The following SUGCT variants were observed in gnomAD, a reference collection of about 807,000 sequenced individuals.
SUGCT encodes the protein succinyl-CoA:glutarate-CoA transferase.
Under a neutral mutation model 55.0 loss-of-function variants are expected in SUGCT, and 41 were observed. The observed-to-expected ratio is 0.74, with a 90% CI of 0.58 to 0.97. The LOEUF (loss-of-function observed/expected upper bound fraction) is 0.97. SUGCT is among the 50% of genes least tolerant of loss of function. SUGCT has a pLI of 0.00. For missense variants in SUGCT, 568 were observed against 547.8 expected (o/e 1.04, Z -0.37); for synonymous variants, 187 against 200.4 (o/e 0.93, Z 0.56).
intron 6 of SUGCT, among the ~76,000 whole-genome samples, chr7:40,233,885 A>G (rs1310578414): frequency 6.6e-6 from 1 of 152,226 alleles, no homozygotes; most frequent in Non-Finnish European, 1.5e-5. Context: ...ATGAATTGTC[A>G]AAGATTTAAT....
At chr7:40,353,876 A>C (rs1014587178) in intron 9 of SUGCT, among the ~76,000 whole-genome samples, 5 of 152,170 alleles carry the variant, frequency 3.3e-5, no homozygotes, top group African/African-American at 1.2e-4. Context: ...CTCCTGTAGC[A>C]GTTCATCTGG....
At chr7:40,277,877 C>T (rs1285944019) in intron 8 of SUGCT, among the ~76,000 whole-genome samples, 1 of 151,916 alleles carries the variant, frequency 6.6e-6, no homozygotes, top group Non-Finnish European at 1.5e-5. Flanking sequence ...TGTGGTGTTC[C>T]CCTTCCTGTC....
intron 11 of SUGCT, among the ~76,000 whole-genome samples, chr7:40,484,132 A>G (rs1791204193): frequency 1.3e-5 from 2 of 152,196 alleles, no homozygotes; most frequent in African/African-American, 4.8e-5. Context: ...TTAAGATTAA[A>G]TGTCAGACTT....
chr7:40,648,108 A>G (rs1800613112), intron 12 of SUGCT, among the ~76,000 whole-genome samples: 1 of 152,222 alleles, frequency 6.6e-6, no homozygotes, highest in Non-Finnish European at 1.5e-5. Context: ...CTGTAATAAA[A>G]TATTTAAAGT....
chr7:40,538,137 G>A (rs1583926722), intron 12 of SUGCT: 1 of 151,970 alleles, frequency 6.6e-6, no homozygotes, highest in African/African-American at 2.4e-5. Flanking sequence ...TGTGCTTTAG[G>A]TAGTCCAGTT....
intron 12 of SUGCT, among the ~76,000 whole-genome samples, chr7:40,675,639 G>C (rs1284655895): frequency 6.6e-6 from 1 of 152,100 alleles, no homozygotes; most frequent in African/African-American, 2.4e-5. Context: ...TATGGGAGTT[G>C]GGCAAAAAGA....
intron 1 of SUGCT, among the ~76,000 whole-genome samples, chr7:40,164,269 A>T (rs1287646996): frequency 6.6e-6 from 1 of 152,094 alleles, no homozygotes; most frequent in East Asian, 1.9e-4. Context: ...CAGGGACTAC[A>T]GGCACCTTCC....
intron 12 of SUGCT, among the ~76,000 whole-genome samples, chr7:40,558,156 T>C (rs974583708): frequency 6.6e-6 from 1 of 151,560 alleles, no homozygotes; most frequent in Non-Finnish European, 1.5e-5. Context: ...AAATTGGAAC[T>C]CTTGTGCAGT....
At chr7:40,309,904 AAAAC>A (rs1251072411) in intron 8 of SUGCT, among the ~76,000 whole-genome samples, 1 of 152,000 alleles carries the variant, frequency 6.6e-6, no homozygotes, top group Non-Finnish European at 1.5e-5. Context: ...AAAAAAAAAA[AAAAC>A]ACATGACCAT....
At chr7:40,857,413 T>C (rs886727999) in intron 13 of SUGCT, among the ~76,000 whole-genome samples, 4 of 152,224 alleles carry the variant, frequency 2.6e-5, no homozygotes, top group South Asian at 4.1e-4. Context: ...CGTTGCAGTC[T>C]ATGTCTTCAT....
At chr7:40,610,390 A>G (rs998846940) in intron 12 of SUGCT, among the ~76,000 whole-genome samples, 1 of 152,176 alleles carries the variant, frequency 6.6e-6, no homozygotes, top group South Asian at 2.1e-4. Flanking sequence ...TGGCCCAATT[A>G]TATTAACTTT....
intron 7 of SUGCT, among the ~76,000 whole-genome samples, chr7:40,238,263 T>C (rs1361507957): frequency 6.6e-6 from 1 of 152,236 alleles, no homozygotes; most frequent in East Asian, 1.9e-4. Flanking sequence ...TAATTTGTCA[T>C]GTGCCTTAGA....
rs180706546 is a variant in SUGCT, at chr7:40,725,006, G to A, written c.1090-24428G>A. Among the ~76,000 whole-genome samples the A allele has an allele frequency of 3.3e-5, 5 of 152,288 alleles. No homozygotes were observed. The East Asian group carries it at 5.8e-4, about 18-fold the overall frequency. ...CTAGAAGTACTCAAAACAGTTGAGA[G>A]TTAGAAATGCTGGACAGGAGGAGTG... On this transcript the variant is annotated intron_variant, in intron 12 of 13. Coordinates refer to ENST00000335693, the MANE Select transcript of SUGCT (RefSeq NM_001193313.2).
chr7:40,186,378 C>T (rs1014769310), intron 3 of SUGCT, among the ~76,000 whole-genome samples: 11 of 151,922 alleles, frequency 7.2e-5, no homozygotes, highest in East Asian at 1.9e-4. Context: ...ACCACCTCAG[C>T]GTCCTAAGTA....
At chr7:40,671,005 G>A (rs1801912475) in intron 12 of SUGCT, among the ~76,000 whole-genome samples, 1 of 152,076 alleles carries the variant, frequency 6.6e-6, no homozygotes, top group South Asian at 2.1e-4. Flanking sequence ...TAAAATATTA[G>A]CAAATGGAAT....
At chr7:41,038,014 C>A in the SUGCT span, among the ~76,000 whole-genome samples, 1 of 152,162 alleles carries the variant, frequency 6.6e-6, no homozygotes, top group Non-Finnish European at 1.5e-5. Context: ...ATAATACATA[C>A]ACACCCTGCA....
the SUGCT span, among the ~76,000 whole-genome samples, chr7:41,026,630 A>G: frequency 6.6e-6 from 1 of 152,260 alleles, no homozygotes; most frequent in East Asian, 1.9e-4. Context: ...GATTGTCTTT[A>G]GATAGTATTA....
At chr7:40,641,618 C>G (rs1299116419) in intron 12 of SUGCT, among the ~76,000 whole-genome samples, 1 of 152,128 alleles carries the variant, frequency 6.6e-6, no homozygotes, top group South Asian at 2.1e-4. Context: ...TCGAGGAAAA[C>G]CAAACAAACC....
At chr7:40,885,827 T>C in the SUGCT span, among the ~76,000 whole-genome samples, 1 of 152,212 alleles carries the variant, frequency 6.6e-6, no homozygotes, top group African/African-American at 2.4e-5. Flanking sequence ...TGACTTGTCT[T>C]GGTATGACCC....
Sources: allele counts gnomAD v4.1 joint callset (sites outside exome capture counted in the v4.1 genomes callset), GRCh38; gene constraint gnomAD v4.1.1; transcripts MANE v1.5; gene names NCBI Gene and HGNC (gene_info 2026-07-23, HGNC 2026-07-21).